The following ME1 variants were observed in gnomAD, a reference collection of about 807,000 sequenced individuals.
The protein encoded by ME1 is NADP-dependent malic enzyme.
A neutral mutation model predicts 66.4 loss-of-function variants in ME1; 74 were observed. The ratio of observed to expected loss-of-function variants is 1.11; its 90% CI spans 0.92 to 1.35. ME1 has a LOEUF of 1.35. Among genes scored for constraint, ME1 ranks in the 40% most tolerant of loss-of-function variants. The pLI, the probability that ME1 is intolerant of heterozygous loss-of-function variation, is 0.00. For synonymous variants in ME1, 251 were observed against 235.6 expected (o/e 1.07, Z -0.60); for missense variants, 750 against 694.1 (o/e 1.08, Z -0.90).
At chr6:83,382,428 A>C (rs1769423718) in intron 3 of ME1, among the ~76,000 whole-genome samples, 1 of 152,102 alleles carries the variant, frequency 6.6e-6, no homozygotes, top group East Asian at 1.9e-4. Context: ...CTTCCGGAAG[A>C]ATTGAATGGT....
intron 1 of ME1, among the ~76,000 whole-genome samples, chr6:83,429,279 A>AATG (rs1770435230): frequency 6.6e-6 from 1 of 152,146 alleles, no homozygotes; most frequent in Admixed American, 6.5e-5. Context: ...TAATAATAAT[A>AATG]ATAATAAATT....
chr6:83,266,257 C>A lies in ME1; in HGVS notation c.705-12519G>T, dbSNP rs557358215. Among the ~76,000 whole-genome samples the A allele has an allele frequency of 2.6e-5, 4 of 152,242 alleles. No individual in the cohort carries two copies. The South Asian group carries it at 8.3e-4, about 32-fold the overall frequency. On this transcript the variant is annotated intron_variant, in intron 6 of 13. Transcript: ENST00000369705. The stretch of plus-strand genomic sequence containing the variant: ...CATGTATAACTGCTTAAAATAAAAA[C>A]TTTGAAAGCCAATATCCATTCTTAG...
chr6:83,261,409 C>T (rs897076438), intron 6 of ME1, among the ~76,000 whole-genome samples: 11 of 119,342 alleles, frequency 9.2e-5, no homozygotes, highest in African/African-American at 1.3e-4. Flanking sequence ...TCTTTGTTTA[C>T]TCTGTTGGTA....
chr6:83,384,570 G>T (rs571240104), intron 3 of ME1, among the ~76,000 whole-genome samples: 2 of 151,902 alleles, frequency 1.3e-5, no homozygotes, highest in South Asian at 4.1e-4. Flanking sequence ...TGCATAGTTT[G>T]TGAATATTTT....
At chr6:83,237,315 AAAAGGAAGGAAAGG>A (rs1790431313) in intron 9 of ME1, among the ~76,000 whole-genome samples, 1 of 60,232 alleles carries the variant, frequency 1.7e-5, no homozygotes, top group African/African-American at 6.6e-5. Flanking sequence ...AGAAAGAAAG[AAAAGGAAGGAAAGG>A]AAGGAAGGAA....
At chr6:83,382,510 T>G (rs938522938) in intron 3 of ME1, among the ~76,000 whole-genome samples, 1 of 152,138 alleles carries the variant, frequency 6.6e-6, no homozygotes, top group African/African-American at 2.4e-5. Flanking sequence ...CAGTCAGTAT[T>G]AGGAACTTTT....
At chr6:83,386,113 T>C (rs994809844) in intron 3 of ME1, among the ~76,000 whole-genome samples, 1 of 151,966 alleles carries the variant, frequency 6.6e-6, no homozygotes, top group South Asian at 2.1e-4. Context: ...ATGAAATAAA[T>C]GGACCAAATA....
chr6:83,223,760 C>G lies in ME1; in HGVS notation c.1449G>C (p.Glu483Asp). The part of the protein sequence containing the change: ...ITDNIFLTTA[E>D]VIAQQVSDKH... Reference sequence around the variant, plus strand: ...GTAAACTTAGAGGATTTTACAATACCTCAGCAGTAGTGAGGAAAATATTAT... The same window carrying G: ...GTAAACTTAGAGGATTTTACAATACGTCAGCAGTAGTGAGGAAAATATTAT... The change falls in exon 12 of 14, where the codon GAG (glutamate) becomes GAC (aspartate). Residue 483 changes from glutamate to aspartate, a missense_variant and splice_region_variant. Coordinates refer to ENST00000369705, the MANE Select transcript of ME1 (RefSeq NM_002395.6). The G allele has an allele frequency of 6.2e-7, 1 of 1,613,038 alleles. No individual in the cohort carries two copies. The highest frequency in any genetic ancestry group is 8.5e-7 in the Non-Finnish European group (1 of 1,179,438).
At chr6:83,421,867 CT>C (rs1348641470) in intron 1 of ME1, among the ~76,000 whole-genome samples, 1 of 152,182 alleles carries the variant, frequency 6.6e-6, no homozygotes, top group African/African-American at 2.4e-5. Context: ...GGGAATCATT[CT>C]TTTTACCAGA....
chr6:83,272,659 A>G (rs180852058), intron 6 of ME1, among the ~76,000 whole-genome samples: 1 of 152,190 alleles, frequency 6.6e-6, no homozygotes, highest in African/African-American at 2.4e-5. Context: ...CCTAAGTCCA[A>G]GGATTAGATT....
chr6:83,359,160 G>A (rs1372457508), intron 3 of ME1, among the ~76,000 whole-genome samples: 2 of 151,936 alleles, frequency 1.3e-5, no homozygotes, highest in East Asian at 3.9e-4. Context: ...TTCCCAGACA[G>A]GGTGGTCGGG....
At chr6:83,282,482 CATTT>C (rs1177123766) in intron 6 of ME1, among the ~76,000 whole-genome samples, 1 of 152,148 alleles carries the variant, frequency 6.6e-6, no homozygotes, top group Non-Finnish European at 1.5e-5. Context: ...CAAAAGAAGA[CATTT>C]ATGTGGCCAA....
intron 3 of ME1, among the ~76,000 whole-genome samples, chr6:83,375,768 A>G (rs1769276347): frequency 1.3e-5 from 2 of 152,160 alleles, no homozygotes; most frequent in Admixed American, 1.3e-4. Context: ...GATATGTTCC[A>G]TCAATACTTA....
chr6:83,313,136 A>G (rs1050116063), intron 6 of ME1, among the ~76,000 whole-genome samples: 27 of 152,256 alleles, frequency 1.8e-4, no homozygotes, highest in Non-Finnish European at 3.1e-4. Flanking sequence ...CTTTGAATTT[A>G]AGTTATGTTT....
intron 1 of ME1, among the ~76,000 whole-genome samples, chr6:83,423,727 G>A (rs1770315494): frequency 6.6e-6 from 1 of 152,138 alleles, no homozygotes; most frequent in Non-Finnish European, 1.5e-5. Flanking sequence ...TGAGCCTTGA[G>A]GTCAAGGCTG....
intron 13 of ME1, 84 bp downstream of exon 13, chr6:83,216,414 G>T: frequency 1.0e-6 from 1 of 963,288 alleles, no homozygotes. Flanking sequence ...ACATTTCAAG[G>T]AAGCAGATTT....
At chr6:83,388,737 T>G (rs1583412703) in intron 3 of ME1, among the ~76,000 whole-genome samples, 2 of 152,340 alleles carry the variant, frequency 1.3e-5, no homozygotes, top group Middle Eastern at 6.8e-3. Flanking sequence ...AATCAAACTT[T>G]GGAAAATGCT....
intron 3 of ME1, among the ~76,000 whole-genome samples, chr6:83,391,486 G>T (rs1769619061): frequency 6.6e-6 from 1 of 151,830 alleles, no homozygotes; most frequent in Non-Finnish European, 1.5e-5. Flanking sequence ...TCCTAACAAG[G>T]GTCCCTGATT....
chr6:83,389,820 C>T (rs1449164276), intron 3 of ME1, among the ~76,000 whole-genome samples: 3 of 151,960 alleles, frequency 2.0e-5, no homozygotes, highest in Non-Finnish European at 4.4e-5. Flanking sequence ...AAAATCACAC[C>T]TCTATGTACA....
Sources: gnomAD v4.1 joint callset for allele counts (sites outside exome capture counted in the v4.1 genomes callset) on GRCh38, gnomAD v4.1.1 for gene constraint, MANE v1.5 for transcripts, NCBI Gene and HGNC (gene_info 2026-07-23, HGNC 2026-07-21) for gene names.